RAPGEF1: variants seen among roughly 807,000 people sequenced by gnomAD.
RAPGEF1 encodes the protein Rap guanine nucleotide exchange factor 1, also known as CRK SH3-binding GNRP.
Under a neutral mutation model 143.3 loss-of-function variants are expected in RAPGEF1, and 33 were observed. The ratio of observed to expected loss-of-function variants is 0.23; its 90% confidence interval spans 0.17 to 0.31. The LOEUF (loss-of-function observed/expected upper bound fraction) is 0.31. RAPGEF1 is among the 10% of genes least tolerant of loss of function. RAPGEF1 has a pLI of 1.00. For synonymous variants in RAPGEF1, 629 were observed against 676.5 expected, an observed-to-expected ratio of 0.93 and a Z score of 1.09; for missense variants, 1,199 against 1,645.4, an observed-to-expected ratio of 0.73 and a Z score of 4.69.
intron 1 of RAPGEF1, among the ~76,000 whole-genome samples, chr9:131,702,142 T>C (rs1834701588): frequency 6.6e-6 from 1 of 152,244 alleles, no homozygotes; most frequent in Admixed American, 6.5e-5. Flanking sequence ...GTTAGCTCTC[T>C]ACAGAAGCAG....
intron 12 of RAPGEF1, among the ~76,000 whole-genome samples, chr9:131,606,667 G>A (rs1037897265): frequency 1.3e-5 from 2 of 152,122 alleles, no homozygotes; most frequent in African/African-American, 2.4e-5. Flanking sequence ...TTTCTCTTTT[G>A]AGACAGGGTC....
At chr9:131,599,585 T>C (rs1955927093) in intron 15 of RAPGEF1, among the ~76,000 whole-genome samples, 1 of 152,054 alleles carries the variant, frequency 6.6e-6, no homozygotes, top group Non-Finnish European at 1.5e-5. Context: ...CTTGCAGTAC[T>C]GAGCCTAAGT....
intron 5 of RAPGEF1, among the ~76,000 whole-genome samples, chr9:131,633,996 TC>T (rs1965657911): frequency 6.6e-6 from 1 of 152,218 alleles, no homozygotes; most frequent in South Asian, 2.1e-4. Flanking sequence ...ACGTGGTTGC[TC>T]ATGCCTGTAA....
intron 1 of RAPGEF1, among the ~76,000 whole-genome samples, chr9:131,723,699 C>T (rs2131294042): frequency 6.6e-6 from 1 of 152,330 alleles, no homozygotes; most frequent in African/African-American, 2.4e-5. Flanking sequence ...TGGGTCACTT[C>T]CATCTTTTGG....
chr9:131,633,545 C>T (rs974089693), intron 5 of RAPGEF1, among the ~76,000 whole-genome samples: 1 of 152,168 alleles, frequency 6.6e-6, no homozygotes, highest in Non-Finnish European at 1.5e-5. Context: ...ATAATTAGAT[C>T]GTCATCTTTC....
At chr9:131,653,283 T>C (rs547845847) in intron 1 of RAPGEF1, among the ~76,000 whole-genome samples, 1 of 152,360 alleles carries the variant, frequency 6.6e-6, no homozygotes, top group Admixed American at 6.5e-5. Context: ...GTTATGTAAA[T>C]AGTTATACTT....
At chr9:131,715,274 G>A (rs923385678) in intron 1 of RAPGEF1, among the ~76,000 whole-genome samples, 1 of 152,148 alleles carries the variant, frequency 6.6e-6, no homozygotes, top group Non-Finnish European at 1.5e-5. Context: ...CTAAATTCAG[G>A]GTGGGGGACG....
intron 1 of RAPGEF1, among the ~76,000 whole-genome samples, chr9:131,669,706 T>C (rs1330999486): frequency 6.6e-6 from 1 of 152,206 alleles, no homozygotes; most frequent in Non-Finnish European, 1.5e-5. Context: ...GTGCTACTGA[T>C]ACCAGCTGAC....
At chr9:131,598,104 G>T in intron 16 of RAPGEF1, 95 bp downstream of exon 16, 1 of 1,090,470 alleles carries the variant, frequency 9.2e-7, no homozygotes, top group Non-Finnish European at 1.4e-6. Context: ...GCCTCCTAGG[G>T]TTGTTCTGCT....
At chr9:131,617,040 T>TA (rs1959115488) in intron 12 of RAPGEF1, among the ~76,000 whole-genome samples, 2 of 152,184 alleles carry the variant, frequency 1.3e-5, no homozygotes, top group Non-Finnish European at 2.9e-5. Context: ...AAGGCTCTTG[T>TA]ATGTCCCAGG....
chr9:131,600,357 A>AC (rs997407859), intron 15 of RAPGEF1, among the ~76,000 whole-genome samples: 6 of 152,140 alleles, frequency 3.9e-5, no homozygotes, highest in African/African-American at 1.4e-4. Context: ...CTAGTGGCAT[A>AC]CCCACGAGCT....
intron 1 of RAPGEF1, among the ~76,000 whole-genome samples, chr9:131,673,798 T>C (rs570057532): frequency 6.6e-6 from 1 of 152,322 alleles, no homozygotes; most frequent in Admixed American, 6.5e-5. Context: ...AAGAAAAACA[T>C]GCCGCTTCAT....
chr9:131,589,024 G>C (rs763244897), intron 19 of RAPGEF1, 38 bp from the exon 20 acceptor site: 1 of 1,590,060 alleles, frequency 6.3e-7, no homozygotes. Flanking sequence ...GAGCAGGAAC[G>C]CAAGGCCCAG....
chr9:131,679,322 T>C (rs1050828389), intron 1 of RAPGEF1, among the ~76,000 whole-genome samples: 4 of 152,164 alleles, frequency 2.6e-5, no homozygotes, highest in Admixed American at 2.6e-4. Flanking sequence ...GGCCAAATGA[T>C]GTGGGATGCC....
At chr9:131,596,959 A>G (rs766823533) in intron 16 of RAPGEF1, among the ~76,000 whole-genome samples, 8 of 152,184 alleles carry the variant, frequency 5.3e-5, no homozygotes, top group Non-Finnish European at 1.2e-4. Context: ...ATATTCAATG[A>G]CTTCTGACGC....
chr9:131,590,013 G>A (rs181768074), intron 18 of RAPGEF1, 35 bp from the exon 19 acceptor site: 28 of 1,580,390 alleles, frequency 1.8e-5, no homozygotes, highest in Admixed American at 5.0e-5. Context: ...CCATGTGGTC[G>A]GCTGAGGGTG....
At chr9:131,599,948 T>C (rs141846258) in intron 15 of RAPGEF1, among the ~76,000 whole-genome samples, 8 of 152,252 alleles carry the variant, frequency 5.3e-5, no homozygotes, top group African/African-American at 1.9e-4. Flanking sequence ...TGAAACCCTG[T>C]CTCTACTAAA....
rs1324801521 is a variant in RAPGEF1, at chr9:131,631,701, G to A, written c.652-1377C>T. On this transcript the variant is annotated intron_variant, in intron 5 of 26. Coordinates refer to ENST00000683357, the MANE Select transcript of RAPGEF1 (RefSeq NM_001377935.1). ...TCAAAAAAGCACCACACACAAAAAA[G>A]GCAGCGTATGCTGCAAATAAGGCAA... Among the ~76,000 whole-genome samples the A allele has an allele frequency of 7.9e-5, 12 of 152,210 alleles. 1 individual carries two copies. Among genetic ancestry groups the A allele is most frequent in the Admixed American group, 7.2e-4 (11 of 15,280 alleles).
chr9:131,739,941 C>T lies in RAPGEF1; in HGVS notation c.-111G>A. ...CGCCGGCATGGCGGGCTCCGCGCGG[C>T]CGCGGCCCTGCGCTCGGCGACCGCG... On this transcript the variant is annotated 5_prime_UTR_variant, in exon 1 of 27. Coordinates refer to ENST00000683357, the MANE Select transcript of RAPGEF1 (RefSeq NM_001377935.1). 1 of 599,960 alleles carries T rather than the reference C, an allele frequency of 1.7e-6. No homozygotes were observed. The highest frequency in any genetic ancestry group is 2.0e-5 in the African/African-American group (1 of 49,160). 37.2% of individuals were successfully genotyped at this position (599,960 alleles called of 1,614,324 possible).
Sources: allele counts gnomAD v4.1 joint callset (sites outside exome capture counted in the v4.1 genomes callset), GRCh38; gene constraint gnomAD v4.1.1; transcripts MANE v1.5; gene names NCBI Gene and HGNC (gene_info 2026-07-23, HGNC 2026-07-21).